WDR33: variants seen among roughly 807,000 people sequenced by gnomAD.
WDR33 encodes pre-mRNA 3' end processing protein WDR33.
Under a neutral mutation model 164.9 loss-of-function variants are expected in WDR33, and 47 were observed. That is an observed-to-expected ratio of 0.29 (90% CI 0.23 to 0.36). The LOEUF (loss-of-function observed/expected upper bound fraction) is 0.36, where lower values mean the gene tolerates loss of function less well. Ranked by LOEUF, WDR33 falls within the 10% of genes least tolerant of loss-of-function variation. The probability of loss-of-function intolerance (pLI) is 1.00; values close to 1 mark genes in which losing one functional copy is unlikely to be tolerated. For missense variants in WDR33, 1,137 were observed against 1,754.1 expected, an observed-to-expected ratio of 0.65 and a Z score of 6.28; for synonymous variants, 505 against 589.0, an observed-to-expected ratio of 0.86 and a Z score of 2.06.
Position 127,763,514 on chromosome 2 carries a change from G to A in WDR33, c.627-355C>T. The A allele has an allele frequency of 9.5e-7, 1 of 1,054,586 alleles. No homozygotes were observed. Among genetic ancestry groups the A allele is most frequent in the African/African-American group, 1.7e-5 (1 of 59,328 alleles). 65.3% of individuals were successfully genotyped at this position (1,054,586 alleles called of 1,614,324 possible). On this transcript the variant is annotated intron_variant, in intron 6 of 21. Transcript: ENST00000322313. The surrounding 1 kb of genome is among the most constrained non-coding windows in gnomAD (Gnocchi z 4.5). ...TGGATTCTATTTTTGCAGTATTCCT[G>A]CAGTCTTTTAAATCACACACGAATA...
At position 127,721,309 on chromosome 2, in the gene WDR33, T is replaced by C. The variant is rs1048133778; in HGVS notation, c.1671+527A>G. Among the ~76,000 whole-genome samples, 4 of 152,026 alleles carry C rather than the reference T, an allele frequency of 2.6e-5. No individual in the cohort carries two copies. Among genetic ancestry groups the C allele is most frequent in the African/African-American group, 9.7e-5 (4 of 41,404 alleles). On this transcript the variant is annotated intron_variant, in intron 15 of 21. Transcript: ENST00000322313. The surrounding 1 kb of genome is among the most constrained non-coding windows in gnomAD (Gnocchi z 4.9). ...TTTCAGTAGAGGTGGGGTTTCACCA[T>C]GTTGACCATGCTGGTCTCAAACTCC...
chr2:127,713,846 T>C lies in WDR33; in HGVS notation c.3045A>G (p.Arg1015=). The C allele has an allele frequency of 6.2e-7, 1 of 1,614,258 alleles. No individual in the cohort carries two copies. Among genetic ancestry groups the C allele is most frequent in the Non-Finnish European group, 8.5e-7 (1 of 1,180,046 alleles). ...GCTTGTCAGGGTGGAAGTCATCTGG[T>C]CTGCTGAAGTCATCGGGGAAGTCTG... ...PHPDFPDDFS[R]PDDFHPDKRF... The change falls in exon 18 of 22, where the codon AGA becomes AGG. Residue 1015 remains arginine (R), a synonymous_variant. Coordinates refer to ENST00000322313, the MANE Select transcript of WDR33 (RefSeq NM_018383.5). This position sits in a 1 kb window ranked among gnomAD's most constrained non-coding sequence, Gnocchi z 6.2.
chr2:127,783,651 C>A (rs1489522154), intron 1 of WDR33, among the ~76,000 whole-genome samples: 1 of 125,510 alleles, frequency 8.0e-6, no homozygotes, highest in Non-Finnish European at 1.6e-5. Flanking sequence ...GGTGCCCAGG[C>A]TGGAGTACAG....
chr2:127,739,653 C>T (rs1686957179), intron 7 of WDR33, among the ~76,000 whole-genome samples: 3 of 152,198 alleles, frequency 2.0e-5, no homozygotes, highest in Admixed American at 1.3e-4. Context: ...GAATTAAATA[C>T]ATGAAGCACT....
chr2:127,797,219 C>T (rs748659508), intron 1 of WDR33, among the ~76,000 whole-genome samples: 12 of 152,088 alleles, frequency 7.9e-5, no homozygotes, highest in Admixed American at 1.3e-4. Context: ...CCAGGCCAGG[C>T]GCAGTGGCTC....
At chr2:127,775,707 A>G (rs1688165065) in intron 1 of WDR33, among the ~76,000 whole-genome samples, 1 of 152,232 alleles carries the variant, frequency 6.6e-6, no homozygotes, top group Non-Finnish European at 1.5e-5. Flanking sequence ...ACAGAAAAAT[A>G]TCAATCCTTC....
Position 127,735,553 on chromosome 2 carries a change from G to T in WDR33, c.725-8776C>A, listed in dbSNP as rs373478534. The T allele has an allele frequency of 1.0e-6, 1 of 985,614 alleles. No individual in the cohort carries two copies. The highest frequency in any genetic ancestry group is 1.1e-4 in the East Asian group (1 of 8,814). 61.1% of individuals were successfully genotyped at this position (985,614 alleles called of 1,614,324 possible). ...TACAGGAAGAAAAAAGGCAAACAAA[G>T]AATTCAAGTACCATCTTGTACAATA... On this transcript the variant is annotated intron_variant, in intron 7 of 21. Coordinates refer to ENST00000322313, the MANE Select transcript of WDR33 (RefSeq NM_018383.5). The surrounding 1 kb of genome is among the most constrained non-coding windows in gnomAD (Gnocchi z 4.3).
rs543970692 is a variant in WDR33, at chr2:127,741,985, G to T, written c.725-15208C>A. 6.6e-6 allele frequency among the ~76,000 whole-genome samples: 1 copy of T among 152,006 alleles called. No individual in the cohort carries two copies. The highest frequency in any genetic ancestry group is 1.5e-5 in the Non-Finnish European group (1 of 67,992). On this transcript the variant is annotated intron_variant, in intron 7 of 21. Coordinates refer to ENST00000322313, the MANE Select transcript of WDR33 (RefSeq NM_018383.5). The surrounding 1 kb of genome is among the most constrained non-coding windows in gnomAD (Gnocchi z 4.1). ...GGAGGCCGAGGCGGGTGGATCACCT[G>T]AAGTCAGGAGTTCAAGATCAGCCTG...
rs1450235604 is a variant in WDR33 at position 127,764,712 on chromosome 2, G to A, written c.626+116C>T. Reference sequence around the variant, plus strand: ...AAGAAAAATATTGTGTTTATAGGGTGCAGAAAGTTTCCCAGAAACTGACAG... The same window carrying A: ...AAGAAAAATATTGTGTTTATAGGGTACAGAAAGTTTCCCAGAAACTGACAG... On this transcript the variant is annotated intron_variant, in intron 6 of 21. Transcript: ENST00000322313. This position sits in a 1 kb window ranked among gnomAD's most constrained non-coding sequence, Gnocchi z 6.2. The A allele has an allele frequency of 1.2e-6, 2 of 1,613,516 alleles. No homozygotes were observed. Among genetic ancestry groups the A allele is most frequent in the Non-Finnish European group, 1.7e-6 (2 of 1,179,668 alleles).
Position 127,702,052 on chromosome 2 carries a change from C to G in WDR33, c.*4271G>C. The G allele has an allele frequency of 8.2e-7, 1 of 1,225,280 alleles. No individual in the cohort carries two copies. The highest frequency in any genetic ancestry group is 1.0e-6 in the Non-Finnish European group (1 of 985,464). 75.9% of individuals were successfully genotyped at this position (1,225,280 alleles called of 1,614,324 possible). Reference sequence around the variant, plus strand: ...CTGCTCACGGTGCTGGGCGCGGGCGCGCAGGTGGCCGCGCTGCTGGCCGCG... The same window carrying G: ...CTGCTCACGGTGCTGGGCGCGGGCGGGCAGGTGGCCGCGCTGCTGGCCGCG... On this transcript the variant is annotated 3_prime_UTR_variant, in exon 22 of 22. Coordinates refer to ENST00000322313, the MANE Select transcript of WDR33 (RefSeq NM_018383.5).
In WDR33 at chr2:127,760,285, A is replaced by G. The variant is rs1245114394; in HGVS notation, c.724+2777T>C. Among the ~76,000 whole-genome samples the G allele has an allele frequency of 2.6e-5, 4 of 152,238 alleles. No individual in the cohort carries two copies. The East Asian group carries it at 7.7e-4, about 29-fold the overall frequency. On this transcript the variant is annotated intron_variant, in intron 7 of 21. Coordinates refer to ENST00000322313, the MANE Select transcript of WDR33 (RefSeq NM_018383.5). ...TTGGATTTTCTGAATACTTAACTCC[A>G]AAAGTAATGACTTGATACACAACAC...
intron 7 of WDR33, among the ~76,000 whole-genome samples, chr2:127,733,684 T>G (rs1416374216): frequency 1.3e-5 from 2 of 152,046 alleles, no homozygotes; most frequent in Non-Finnish European, 2.9e-5. Context: ...ACAGGAGAGA[T>G]ATAGAATACT....
rs72846241 is a variant in WDR33, at chr2:127,710,318, A to T, written c.3309-462T>A. 8.8e-3 allele frequency among the ~76,000 whole-genome samples: 1,343 copies of T among 152,306 alleles called. 9 individuals are homozygous for T. Among genetic ancestry groups the T allele is most frequent in the Non-Finnish European group, 0.014 (926 of 68,034 alleles). The stretch of plus-strand genomic sequence containing the variant: ...TGCCTCACAAATACTTATCATTATC[A>T]TCTACATTTGTATGATGAACATTTA... On this transcript the variant is annotated intron_variant, in intron 18 of 21. Transcript: ENST00000322313. The surrounding 1 kb of genome is among the most constrained non-coding windows in gnomAD (Gnocchi z 4.4).
At chr2:127,734,701 A>G (rs13400968) in intron 7 of WDR33, among the ~76,000 whole-genome samples, 3,236 of 152,298 alleles carry the variant, frequency 0.021, 124 homozygotes, top group African/African-American at 0.075. Context: ...ACTGGGGAGT[A>G]TTTGTAGGGT....
chr2:127,809,022 C>A (rs1010842946), intron 1 of WDR33, among the ~76,000 whole-genome samples: 34 of 114,222 alleles, frequency 3.0e-4, no homozygotes, highest in African/African-American at 1.2e-3. Context: ...CAGAGCGAAA[C>A]TCTTGTCTCA....
At chr2:127,737,487 C>T in intron 7 of WDR33, 2 of 986,322 alleles carry the variant, frequency 2.0e-6, no homozygotes, top group Non-Finnish European at 1.2e-6. Flanking sequence ...ATAGTCATCA[C>T]TTGAAAAGCT....
rs1558919352 is a variant in WDR33, at chr2:127,711,769, TATATATATA to T, written c.3308+1805_3308+1813del. 6.5e-5 allele frequency among the ~76,000 whole-genome samples: 6 copies of T among 92,358 alleles called. 1 individual carries two copies. The highest frequency in any genetic ancestry group is 3.0e-4 in the African/African-American group (4 of 13,206). The allele number at this position is 92,358 out of a possible 152,430, so 60.6% of individuals were successfully genotyped here. A position where few individuals can be genotyped will look rare whatever the true frequency, so the allele number is the denominator to read the frequency against. On this transcript the variant is annotated intron_variant, in intron 18 of 21. Transcript: ENST00000322313. ...ATATACAGATATATATATATATATA[TATATATATA>T]TATTTTTTTTTTGAGACAGAGTCTC...
Position 127,723,178 on chromosome 2 carries a change from T to TA in WDR33, c.1291+74dup. 2 of 1,472,006 alleles carry TA rather than the reference T, an allele frequency of 1.4e-6. No homozygotes were observed. Among genetic ancestry groups the TA allele is most frequent in the Non-Finnish European group, 1.9e-6 (2 of 1,076,910 alleles). The allele number at this position is 1,472,006 out of a possible 1,614,324, so 91.2% of individuals were successfully genotyped here. On this transcript the variant is annotated intron_variant, in intron 12 of 21. Transcript: ENST00000322313. The surrounding 1 kb of genome is among the most constrained non-coding windows in gnomAD (Gnocchi z 5.9). ...CTATAAAATTAAAATTCATTTTGTA[T>TA]AATCTTCCCAACATCTAACACTTCT...
In WDR33 at chr2:127,706,229, C is replaced by A; in HGVS notation, c.*94G>T. 2.5e-6 allele frequency: 3 copies of A among 1,220,212 alleles called. No homozygotes were observed. The South Asian group carries it at 5.5e-5, about 23-fold the overall frequency. 75.6% of individuals were successfully genotyped at this position (1,220,212 alleles called of 1,614,324 possible). A position where few individuals can be genotyped will look rare whatever the true frequency, so the allele number is the denominator to read the frequency against. On this transcript the variant is annotated 3_prime_UTR_variant, in exon 22 of 22. Transcript: ENST00000322313. The surrounding 1 kb of genome is among the most constrained non-coding windows in gnomAD (Gnocchi z 5.1). Reference sequence around the variant, plus strand: ...GTGCCCAGAAAAGAGTTCAGGGCTACAATGGTGCAGGCTTCCTTTTGTTTC... The same window carrying A: ...GTGCCCAGAAAAGAGTTCAGGGCTAAAATGGTGCAGGCTTCCTTTTGTTTC...
Sources: allele counts gnomAD v4.1 joint callset (sites outside exome capture counted in the v4.1 genomes callset), GRCh38; gene constraint gnomAD v4.1.1; non-coding constraint Gnocchi (gnomAD v3.1); transcripts MANE v1.5; gene names NCBI Gene and HGNC (gene_info 2026-07-23, HGNC 2026-07-21).